The following SCAPER variants were observed in gnomAD, a reference collection of about 807,000 sequenced individuals.
SCAPER encodes S phase cyclin A-associated protein in the endoplasmic reticulum.
In SCAPER, 98 loss-of-function variants were observed where a neutral mutation model predicts 182.2. The observed-to-expected ratio is 0.54, with a 90% CI of 0.46 to 0.64. The LOEUF (loss-of-function observed/expected upper bound fraction) is 0.64. SCAPER is among the 30% of genes least tolerant of loss of function. The pLI, the probability that SCAPER is intolerant of heterozygous loss-of-function variation, is 0.00. For missense variants in SCAPER, 1,432 were observed against 1,690.0 expected (o/e 0.85, Z 2.68); for synonymous variants, 605 against 564.6 (o/e 1.07, Z -1.01).
At chr15:76,857,505 A>C (rs2151862395) in intron 4 of SCAPER, among the ~76,000 whole-genome samples, 2 of 152,052 alleles carry the variant, frequency 1.3e-5, no homozygotes, top group South Asian at 4.1e-4. Context: ...TGTGTCATTT[A>C]CTAGCAAGTT....
intron 22 of SCAPER, among the ~76,000 whole-genome samples, chr15:76,610,137 A>G (rs1425260895): frequency 6.6e-6 from 1 of 152,172 alleles, no homozygotes; most frequent in African/African-American, 2.4e-5. Context: ...TCTGCAACTG[A>G]GAAAACCAGT....
intron 21 of SCAPER, among the ~76,000 whole-genome samples, chr15:76,664,355 T>C (rs2056415927): frequency 6.6e-6 from 1 of 152,166 alleles, no homozygotes; most frequent in African/African-American, 2.4e-5. Context: ...AAAGCTAACA[T>C]TTGCAGTTAG....
In SCAPER at chr15:76,869,063, T is replaced by C. The variant is rs368224039; in HGVS notation, c.7-6530A>G. On this transcript the variant is annotated intron_variant, in intron 2 of 31. Coordinates refer to ENST00000563290, the MANE Select transcript of SCAPER (RefSeq NM_020843.4). ...GTGCTGGGAAAACTGGATAACTTTA[T>C]GCAAAAGAATAAAACTAGGTTCCTA... is the stretch of plus-strand genomic sequence containing the variant. 1.8e-4 allele frequency among the ~76,000 whole-genome samples: 27 copies of C among 152,278 alleles called. 1 individual carries two copies. In the East Asian group the frequency reaches 4.6e-3, roughly 26 times the overall value.
intron 22 of SCAPER, 113 bp from the exon 23 acceptor site, chr15:76,574,397 C>T: frequency 8.1e-7 from 1 of 1,232,250 alleles, no homozygotes; most frequent in Non-Finnish European, 1.1e-6. Flanking sequence ...GAAAATGCTT[C>T]ACAGAGCATC....
chr15:76,823,959 T>C (rs1015266419), intron 5 of SCAPER, among the ~76,000 whole-genome samples: 4 of 151,848 alleles, frequency 2.6e-5, no homozygotes, highest in Admixed American at 6.6e-5. Flanking sequence ...GCCGCTATAC[T>C]TCAGAAATTT....
At position 76,586,701 on chromosome 15, in the gene SCAPER, C is replaced by G. The variant is rs73455174; in HGVS notation, c.2712-12417G>C. 8.1e-3 allele frequency: 1,239 copies of G among 153,502 alleles called. 14 individuals are homozygous for G. The highest frequency in any genetic ancestry group is 0.027 in the African/African-American group (1,137 of 41,502). 9.5% of individuals were successfully genotyped at this position (153,502 alleles called of 1,614,324 possible). ...CCCAGATGGATACCAAAATCAGATGCTCAAGTCTACTAAATATCAGGGATA... is the reference window on the plus strand; with the variant it reads ...CCCAGATGGATACCAAAATCAGATGGTCAAGTCTACTAAATATCAGGGATA... On this transcript the variant is annotated intron_variant, in intron 22 of 31. Coordinates refer to ENST00000563290, the MANE Select transcript of SCAPER (RefSeq NM_020843.4).
intron 20 of SCAPER, among the ~76,000 whole-genome samples, chr15:76,692,420 G>T (rs2058411333): frequency 6.6e-6 from 1 of 152,126 alleles, no homozygotes; most frequent in Non-Finnish European, 1.5e-5. Context: ...TGGGCGTGGT[G>T]GCTCTTGCCT....
At chr15:76,741,219 A>G (rs2061521584) in intron 15 of SCAPER, among the ~76,000 whole-genome samples, 1 of 152,124 alleles carries the variant, frequency 6.6e-6, no homozygotes, top group African/African-American at 2.4e-5. Context: ...TCTGAATATA[A>G]TAATAGGAAA....
intron 14 of SCAPER, 82 bp downstream of exon 14, chr15:76,764,879 G>T: frequency 2.8e-6 from 2 of 708,064 alleles, no homozygotes; most frequent in Non-Finnish European, 4.5e-6. Flanking sequence ...GGTTATTTTA[G>T]CTTCTCTCAG....
At chr15:76,857,782 T>C (rs1226022649) in intron 4 of SCAPER, 27 bp downstream of exon 4, 1 of 1,372,904 alleles carries the variant, frequency 7.3e-7, no homozygotes, top group Non-Finnish European at 9.8e-7. Context: ...TAAAAGTAAA[T>C]AAGTAAAAAA....
At chr15:76,450,313 TAAG>T (rs1321292749) in intron 25 of SCAPER, among the ~76,000 whole-genome samples, 1 of 152,318 alleles carries the variant, frequency 6.6e-6, no homozygotes, top group African/African-American at 2.4e-5. Flanking sequence ...GACACTGAAT[TAAG>T]AAGGTAGCAG....
At chr15:76,539,995 C>A (rs2044588805) in intron 23 of SCAPER, among the ~76,000 whole-genome samples, 1 of 152,058 alleles carries the variant, frequency 6.6e-6, no homozygotes, top group Admixed American at 6.5e-5. Context: ...AATAGGGAAA[C>A]AGTTAAATAA....
intron 25 of SCAPER, among the ~76,000 whole-genome samples, chr15:76,459,232 T>C (rs1441288093): frequency 2.0e-5 from 3 of 152,128 alleles, no homozygotes; most frequent in Non-Finnish European, 4.4e-5. Context: ...TCAGAACATG[T>C]GGTATTTGTC....
intron 27 of SCAPER, among the ~76,000 whole-genome samples, chr15:76,396,976 GTA>G (rs1390937793): frequency 6.9e-6 from 1 of 145,858 alleles, no homozygotes; most frequent in African/African-American, 2.5e-5. Context: ...TTCTGTTGAG[GTA>G]TGTTTCTTCT....
chr15:76,894,239 G>A (rs2074308368), intron 1 of SCAPER, among the ~76,000 whole-genome samples: 1 of 137,714 alleles, frequency 7.3e-6, no homozygotes, highest in Non-Finnish European at 1.7e-5. Context: ...GCAACAGAGT[G>A]AAATTTCAAC....
intron 25 of SCAPER, among the ~76,000 whole-genome samples, chr15:76,448,455 G>A (rs1242427522): frequency 6.6e-6 from 1 of 152,056 alleles, no homozygotes; most frequent in African/African-American, 2.4e-5. Context: ...GGGGGAAGCC[G>A]ATTTTGAGGG....
At chr15:76,820,872 A>G (rs1598918817) in intron 5 of SCAPER, among the ~76,000 whole-genome samples, 1 of 152,338 alleles carries the variant, frequency 6.6e-6, no homozygotes, top group East Asian at 1.9e-4. Flanking sequence ...ACATATGAAA[A>G]CATGCTCCAC....
chr15:76,415,510 T>G lies in SCAPER; in HGVS notation c.3312-10831A>C, dbSNP rs1433589950. ...TAAATTTGGGAATTTATTCACAGAATAGAATCTGAAGAGCAGTTAAAATGA... is the reference window on the plus strand; with the variant it reads ...TAAATTTGGGAATTTATTCACAGAAGAGAATCTGAAGAGCAGTTAAAATGA... On this transcript the variant is annotated intron_variant, in intron 26 of 31. Transcript: ENST00000563290. Among the ~76,000 whole-genome samples, 3 of 152,270 alleles carry G rather than the reference T, an allele frequency of 2.0e-5. No individual in the cohort carries two copies. In the East Asian group the frequency reaches 5.8e-4, roughly 29 times the overall value.
At chr15:76,617,917 T>A (rs1352226405) in intron 22 of SCAPER, among the ~76,000 whole-genome samples, 2 of 152,188 alleles carry the variant, frequency 1.3e-5, no homozygotes, top group Non-Finnish European at 2.9e-5. Context: ...ACCACAGTCA[T>A]ATATTAAATT....
Sources: allele counts gnomAD v4.1 joint callset (sites outside exome capture counted in the v4.1 genomes callset), GRCh38; gene constraint gnomAD v4.1.1; transcripts MANE v1.5; gene names NCBI Gene and HGNC (gene_info 2026-07-23, HGNC 2026-07-21).